UBR7: variants seen among roughly 807,000 people sequenced by gnomAD.
UBR7 encodes ubiquitin protein ligase E3 component n-recognin 7.
A neutral mutation model predicts 57.0 loss-of-function variants in UBR7; 22 were observed. The observed-to-expected ratio is 0.39, with a 90% CI of 0.28 to 0.55. UBR7 has a LOEUF of 0.55. Among genes scored for constraint, UBR7 ranks in the 20% least tolerant of loss-of-function variants. The probability of loss-of-function intolerance (pLI) is 0.69; values close to 1 mark genes in which losing one functional copy is unlikely to be tolerated. For missense variants in UBR7, 395 were observed against 513.2 expected (o/e 0.77, Z 2.23); for synonymous variants, 167 against 179.8 (o/e 0.93, Z 0.57).
In UBR7 at chr14:93,227,225, G is replaced by C; in HGVS notation, c.*190G>C. 1.6e-6 allele frequency: 1 copy of C among 636,138 alleles called. No homozygotes were observed. The highest frequency in any genetic ancestry group is 2.9e-6 in the Non-Finnish European group (1 of 344,790). The allele number at this position is 636,138 out of a possible 1,614,324, so 39.4% of individuals were successfully genotyped here. A position where few individuals can be genotyped will look rare whatever the true frequency, so the allele number is the denominator to read the frequency against. ...TGACTTCACAGCCAGCGTCCTCTGT[G>C]ACTCAGCTGATGCAGCTCATTCCAC... is the stretch of plus-strand genomic sequence containing the variant. On this transcript the variant is annotated 3_prime_UTR_variant, in exon 11 of 11. Transcript: ENST00000013070.
chr14:93,224,223 G>A (rs1595270942), intron 10 of UBR7: 5 of 505,606 alleles, frequency 9.9e-6, no homozygotes, highest in Non-Finnish European at 1.4e-5. Context: ...ACATTTAACT[G>A]CCTGAATTTC....
intron 10 of UBR7, chr14:93,223,831 G>A (rs1894769752): frequency 1.2e-5 from 9 of 748,770 alleles, no homozygotes; most frequent in Admixed American, 8.8e-5. Flanking sequence ...CAGCGCCCGC[G>A]GTGGTCAGGT....
intron 6 of UBR7, among the ~76,000 whole-genome samples, chr14:93,217,246 C>G (rs1328903878): frequency 2.0e-5 from 3 of 152,132 alleles, no homozygotes; most frequent in South Asian, 2.1e-4. Flanking sequence ...AGGCTGGTCT[C>G]GAACTCCTGA....
chr14:93,216,729 C>T (rs1894599690), intron 6 of UBR7, among the ~76,000 whole-genome samples: 1 of 151,626 alleles, frequency 6.6e-6, no homozygotes, highest in South Asian at 2.1e-4. Context: ...ATTCTTGTGA[C>T]GCGGCTTCCA....
rs148815576 is a variant in UBR7, at chr14:93,219,142, T to G, written c.811-70T>G. 3,021 of 1,552,328 alleles carry G rather than the reference T, an allele frequency of 1.9e-3. 9 individuals are homozygous for G. The highest frequency in any genetic ancestry group is 2.2e-3 in the Non-Finnish European group (2,551 of 1,136,310). On this transcript the variant is annotated intron_variant, in intron 7 of 10. Transcript: ENST00000013070. ...TTTATCCTTTGCCTAAAGAAATCTC[T>G]TTACAAAATCTAAACTATGAAAACT...
Position 93,228,563 on chromosome 14 carries a change from T to A in UBR7, c.*1528T>A, listed in dbSNP as rs1329139407. The A allele has an allele frequency of 6.6e-6, 3 of 453,956 alleles. No homozygotes were observed. Among genetic ancestry groups the A allele is most frequent in the African/African-American group, 6.0e-5 (3 of 49,976 alleles). 28.1% of individuals were successfully genotyped at this position (453,956 alleles called of 1,614,324 possible). A position where few individuals can be genotyped will look rare whatever the true frequency, so the allele number is the denominator to read the frequency against. On this transcript the variant is annotated 3_prime_UTR_variant, in exon 11 of 11. Transcript: ENST00000013070. Reference sequence around the variant, plus strand: ...TGTTCTTCGGCACTCAGGCTCCTAATTGCAGATCCTCACGAAGGGTGGTAT... The same window carrying A: ...TGTTCTTCGGCACTCAGGCTCCTAAATGCAGATCCTCACGAAGGGTGGTAT...
intron 1 of UBR7, 85 bp downstream of exon 1, chr14:93,207,526 C>T (rs1894390085): frequency 3.4e-6 from 5 of 1,454,136 alleles, no homozygotes; most frequent in South Asian, 2.9e-5. Flanking sequence ...CCCGCCTTGC[C>T]GCAGTCGTCT....
chr14:93,223,647 C>G, intron 10 of UBR7: 1 of 1,385,114 alleles, frequency 7.2e-7, no homozygotes, highest in Non-Finnish European at 1.0e-6. Flanking sequence ...CTTGGGCTGA[C>G]GGGCAGGACC....
At chr14:93,220,447 C>T in intron 9 of UBR7, 36 bp downstream of exon 9, 2 of 1,612,248 alleles carry the variant, frequency 1.2e-6, no homozygotes, top group South Asian at 1.1e-5. Flanking sequence ...TCATCATTTC[C>T]TTCACTATGT....
At position 93,228,592 on chromosome 14, in the gene UBR7, G is replaced by T; in HGVS notation, c.*1557G>T. On this transcript the variant is annotated 3_prime_UTR_variant, in exon 11 of 11. Coordinates refer to ENST00000013070, the MANE Select transcript of UBR7 (RefSeq NM_175748.4). ...AGATCCTCACGAAGGGTGGTATGTG[G>T]AGCTGGAAGGTCTTGTGGCCACAGG... The T allele has an allele frequency of 2.2e-6, 1 of 454,054 alleles. No homozygotes were observed. The highest frequency in any genetic ancestry group is 4.4e-6 in the Non-Finnish European group (1 of 226,780). 28.1% of individuals were successfully genotyped at this position (454,054 alleles called of 1,614,324 possible). A position where few individuals can be genotyped will look rare whatever the true frequency, so the allele number is the denominator to read the frequency against.
intron 9 of UBR7, among the ~76,000 whole-genome samples, chr14:93,220,762 T>C (rs1354078465): frequency 6.6e-6 from 1 of 152,026 alleles, no homozygotes; most frequent in Non-Finnish European, 1.5e-5. Context: ...GCTTCAGTGG[T>C]TCACAGGAAA....
In UBR7 at chr14:93,226,996, GAGA is replaced by G. The variant is rs938250388; in HGVS notation, c.1246_1248del (p.Arg416del). 12 of 1,612,870 alleles carry G rather than the reference GAGA, an allele frequency of 7.4e-6. No homozygotes were observed. The highest frequency in any genetic ancestry group is 2.7e-5 in the African/African-American group (2 of 74,908). Reference sequence around the variant, plus strand: ...TCTTTGAAGAGTTTCAGTCAAAAAAGAGAAGAAGAGTGGATGGGATGCAGTATT... The same window carrying G: ...TCTTTGAAGAGTTTCAGTCAAAAAAGAGAAGAGTGGATGGGATGCAGTATT... On this transcript the variant is annotated inframe_deletion, in exon 11 of 11. Coordinates refer to ENST00000013070, the MANE Select transcript of UBR7 (RefSeq NM_175748.4).
At chr14:93,215,377 C>G (rs1470023675) in intron 6 of UBR7, 96 bp downstream of exon 6, 4 of 1,110,124 alleles carry the variant, frequency 3.6e-6, no homozygotes, top group Non-Finnish European at 4.0e-6. Flanking sequence ...TAACTGGGCT[C>G]TGTGGTTATA....
chr14:93,222,458 C>A, intron 10 of UBR7, 84 bp downstream of exon 10: 1 of 1,086,940 alleles, frequency 9.2e-7, no homozygotes, highest in Non-Finnish European at 1.4e-6. Flanking sequence ...AAAATGACTG[C>A]GACTGGCGGG....
In UBR7 at chr14:93,214,981, G is replaced by T; in HGVS notation, c.494G>T (p.Arg165Met). 1 of 1,613,178 alleles carries T rather than the reference G, an allele frequency of 6.2e-7. No individual in the cohort carries two copies. The change falls in exon 5 of 11, where the codon AGG becomes ATG. Residue 165 changes from arginine (R) to methionine (M), a missense_variant and splice_region_variant. Arg to Met is a moderately conservative substitution (Grantham distance 91, BLOSUM62 -1). Transcript: ENST00000013070. The part of the protein sequence containing the change: ...CVVCEDWFHG[R>M]HLGAIPPESG... ...GTCTGTGAAGACTGGTTCCATGGAA[G>T]GGTAAGGAAAATGTTCCACCTTTTG... is the stretch of plus-strand genomic sequence containing the variant.
chr14:93,210,568 A>T, intron 2 of UBR7, 80 bp from the exon 3 acceptor site: 2 of 1,210,380 alleles, frequency 1.7e-6, no homozygotes. Context: ...AAGTCTTACT[A>T]TGTGCTTGAA....
chr14:93,228,319 C>G lies in UBR7; in HGVS notation c.*1284C>G, dbSNP rs1345513671. The G allele has an allele frequency of 3.7e-5, 17 of 455,590 alleles. No homozygotes were observed. In the Admixed American group the frequency reaches 3.8e-4, roughly 10 times the overall value. The allele number at this position is 455,590 out of a possible 1,614,324, so 28.2% of individuals were successfully genotyped here. ...AAATGCCTTGTGATACATAGAGAAC[C>G]CTCAGCTTCTCTCTGCCTCTGGAGG... is the stretch of plus-strand genomic sequence containing the variant. On this transcript the variant is annotated 3_prime_UTR_variant, in exon 11 of 11. Transcript: ENST00000013070.
intron 1 of UBR7, among the ~76,000 whole-genome samples, chr14:93,208,671 C>T (rs1762291674): frequency 6.6e-6 from 1 of 151,466 alleles, no homozygotes; most frequent in Non-Finnish European, 1.5e-5. Flanking sequence ...GTGCAAAAGG[C>T]TTATTGGAAT....
intron 10 of UBR7, chr14:93,223,715 G>A: frequency 2.2e-6 from 2 of 898,722 alleles, no homozygotes; most frequent in Non-Finnish European, 3.6e-6. Context: ...TGGCCGGCCG[G>A]CTGGCGGCAC....
Sources: gnomAD v4.1 joint callset for allele counts (sites outside exome capture counted in the v4.1 genomes callset) on GRCh38, gnomAD v4.1.1 for gene constraint, MANE v1.5 for transcripts, NCBI Gene and HGNC (gene_info 2026-07-23, HGNC 2026-07-21) for gene names.